Variants in USP7 observed in about 807,000 individuals in gnomAD.
USP7 encodes ubiquitin specific peptidase 7.
In USP7, 9 loss-of-function variants were observed where a neutral mutation model predicts 162.9. The ratio of observed to expected loss-of-function variants is 0.06; its 90% CI spans 0.03 to 0.10. The LOEUF (loss-of-function observed/expected upper bound fraction) is 0.10, where lower values mean the gene tolerates loss of function less well. Ranked by LOEUF, USP7 falls within the 10% of genes least tolerant of loss-of-function variation. USP7 has a pLI of 1.00. For synonymous variants in USP7, 562 were observed against 475.9 expected, an observed-to-expected ratio of 1.18 and a Z score of -2.35; for missense variants, 715 against 1,373.7, an observed-to-expected ratio of 0.52 and a Z score of 7.58.
chr16:8,900,676 G>A (rs1402390016), intron 20 of USP7, 46 bp from the exon 21 acceptor site: 12 of 1,374,356 alleles, frequency 8.7e-6, no homozygotes, highest in African/African-American at 1.4e-5. Flanking sequence ...TTTGTCTAAC[G>A]TTTAATATGG....
chr16:8,900,103 C>A, intron 21 of USP7: 1 of 387,980 alleles, frequency 2.6e-6, no homozygotes, highest in Non-Finnish European at 4.7e-6. Flanking sequence ...AGTCTCTGAC[C>A]GTGAGTCAGG....
intron 1 of USP7, chr16:8,936,778 A>G: frequency 7.6e-7 from 1 of 1,308,996 alleles, no homozygotes; most frequent in Non-Finnish European, 9.8e-7. Flanking sequence ...CATTCAAGCA[A>G]CCTCAATTTA....
At chr16:8,923,822 C>G (rs1320063413) in intron 2 of USP7, among the ~76,000 whole-genome samples, 1 of 152,162 alleles carries the variant, frequency 6.6e-6, no homozygotes, top group African/African-American at 2.4e-5. Context: ...GGGACTTGGG[C>G]TGACTTTACA....
chr16:8,919,560 T>C (rs1329659965), intron 5 of USP7, among the ~76,000 whole-genome samples: 1 of 152,078 alleles, frequency 6.6e-6, no homozygotes, highest in East Asian at 1.9e-4. Context: ...AACAGAAGTG[T>C]GTATTCACCA....
intron 1 of USP7, among the ~76,000 whole-genome samples, chr16:8,941,569 C>T (rs995230314): frequency 1.3e-5 from 2 of 152,340 alleles, no homozygotes; most frequent in Non-Finnish European, 2.9e-5. Context: ...TGTCCACGCA[C>T]GATAGCAACA....
At chr16:8,943,539 A>G (rs922694032) in intron 1 of USP7, among the ~76,000 whole-genome samples, 6 of 151,886 alleles carry the variant, frequency 4.0e-5, no homozygotes, top group African/African-American at 1.2e-4. Flanking sequence ...CAATGCCATG[A>G]GAAACACAAA....
At chr16:8,920,038 C>T (rs749102250) in intron 5 of USP7, among the ~76,000 whole-genome samples, 13 of 152,224 alleles carry the variant, frequency 8.5e-5, no homozygotes, top group African/African-American at 1.7e-4. Context: ...AAAGTAACAA[C>T]GGAGCATCTC....
intron 1 of USP7, chr16:8,935,795 T>TCC (rs2141241333): frequency 6.6e-6 from 1 of 152,256 alleles, no homozygotes; most frequent in South Asian, 2.1e-4. Flanking sequence ...GGGCCTATAT[T>TCC]CCCACCTGCT....
intron 1 of USP7, among the ~76,000 whole-genome samples, chr16:8,954,461 G>C (rs543485384): frequency 2.0e-5 from 3 of 152,286 alleles, no homozygotes; most frequent in African/African-American, 7.2e-5. Flanking sequence ...TTCGGGTCAT[G>C]GGCAATGGGA....
chr16:8,945,797 TC>T (rs1306174962), intron 1 of USP7, among the ~76,000 whole-genome samples: 28 of 151,704 alleles, frequency 1.8e-4, no homozygotes, highest in Non-Finnish European at 2.9e-4. Flanking sequence ...TACCCTATAA[TC>T]CCAGCACTTT....
chr16:8,960,136 G>A (rs905111943), intron 1 of USP7, among the ~76,000 whole-genome samples: 2 of 152,166 alleles, frequency 1.3e-5, no homozygotes, highest in Admixed American at 6.5e-5. Context: ...CAAAGTTAGC[G>A]AATAAATAAT....
At chr16:8,913,064 G>A (rs536971348) in intron 10 of USP7, among the ~76,000 whole-genome samples, 24 of 152,108 alleles carry the variant, frequency 1.6e-4, no homozygotes, top group African/African-American at 5.5e-4. Context: ...AACCTTAAAA[G>A]CACATGGGGG....
intron 1 of USP7, among the ~76,000 whole-genome samples, chr16:8,938,870 G>C (rs571385476): frequency 1.3e-5 from 2 of 152,098 alleles, no homozygotes; most frequent in African/African-American, 4.8e-5. Flanking sequence ...AACTATATAG[G>C]AAGATGTGTG....
chr16:8,936,762 C>T, intron 1 of USP7: 1 of 1,315,100 alleles, frequency 7.6e-7, no homozygotes, highest in South Asian at 1.8e-5. Flanking sequence ...TCTTTAGGAC[C>T]AGAAACATTC....
Position 8,893,772 on chromosome 16 carries a change from A to G in USP7, c.*226T>C. On this transcript the variant is annotated 3_prime_UTR_variant, in exon 31 of 31. Coordinates refer to ENST00000344836, the MANE Select transcript of USP7 (RefSeq NM_003470.3). ...CCTTGCACTGTGGTTACCATAAAAT[A>G]ACTCTCATTGGCATCCAAGCTTTAT... The G allele has an allele frequency of 2.0e-6, 1 of 498,512 alleles. No homozygotes were observed. The highest frequency in any genetic ancestry group is 3.7e-6 in the Non-Finnish European group (1 of 273,146). The allele number at this position is 498,512 out of a possible 1,614,324, so 30.9% of individuals were successfully genotyped here. A position where few individuals can be genotyped will look rare whatever the true frequency, so the allele number is the denominator to read the frequency against.
intron 25 of USP7, among the ~76,000 whole-genome samples, chr16:8,897,746 T>TATATATATATAA (rs71155416): frequency 1.9e-5 from 2 of 103,030 alleles, no homozygotes; most frequent in African/African-American, 4.0e-5. Context: ...TATATATATA[T>TATATATATATAA]AAATGAGTTG....
At chr16:8,916,882 C>G in intron 7 of USP7, 144 bp downstream of exon 7, 1 of 969,898 alleles carries the variant, frequency 1.0e-6, no homozygotes, top group Non-Finnish European at 1.4e-6. Context: ...ATGATAAAAG[C>G]ACTGACACGA....
chr16:8,919,959 G>C (rs2141209246), intron 5 of USP7, among the ~76,000 whole-genome samples: 1 of 152,260 alleles, frequency 6.6e-6, no homozygotes, highest in South Asian at 2.1e-4. Flanking sequence ...TTAGTTGTCG[G>C]TGATGCTCAC....
chr16:8,952,230 C>T lies in USP7; in HGVS notation c.79+10977G>A, dbSNP rs530282381. ...GCGCCACTGAATTCCAGCCTGGGCA[C>T]GAGGGAGAGCCTGTCTCCAAAAAAA... On this transcript the variant is annotated intron_variant, in intron 1 of 30. Transcript: ENST00000344836. 2.0e-4 allele frequency among the ~76,000 whole-genome samples: 31 copies of T among 152,084 alleles called. No individual in the cohort carries two copies. The South Asian group carries it at 4.0e-3, about 19-fold the overall frequency.
Sources: gnomAD v4.1 joint callset for allele counts (sites outside exome capture counted in the v4.1 genomes callset) on GRCh38, gnomAD v4.1.1 for gene constraint, MANE v1.5 for transcripts, NCBI Gene and HGNC (gene_info 2026-07-23, HGNC 2026-07-21) for gene names.